MAST4: variants seen among roughly 807,000 people sequenced by gnomAD.
MAST4 encodes microtubule-associated serine/threonine-protein kinase 4.
In MAST4, 89 loss-of-function variants were observed where a neutral mutation model predicts 162.7. The observed-to-expected ratio is 0.55, with a 90% CI of 0.46 to 0.65. The LOEUF (loss-of-function observed/expected upper bound fraction) is 0.65. Among genes scored for constraint, MAST4 ranks in the 30% least tolerant of loss-of-function variants. MAST4 has a pLI of 0.00. For missense variants in MAST4, 3,153 were observed against 3,374.0 expected, an observed-to-expected ratio of 0.93 and a Z score of 1.62; for synonymous variants, 1,479 against 1,361.1, an observed-to-expected ratio of 1.09 and a Z score of -1.91.
Position 66,786,272 on chromosome 5 carries a change from G to GT in MAST4, c.518-2385dup, listed in dbSNP as rs540263638. Among the ~76,000 whole-genome samples, 826 of 144,152 alleles carry GT rather than the reference G, an allele frequency of 5.7e-3. 7 individuals are homozygous for GT. Among genetic ancestry groups the GT allele is most frequent in the South Asian group, 0.045 (205 of 4,514 alleles). 94.6% of individuals were successfully genotyped at this position (144,152 alleles called of 152,430 possible). On this transcript the variant is annotated intron_variant, in intron 2 of 28. Transcript: ENST00000403625. ...TCTATTTTACATTAAATTCTCCCAA[G>GT]TTTTTTTTTTTTTAATCTACGTTCA...
At chr5:66,934,810 A>C (rs2150083609) in intron 4 of MAST4, among the ~76,000 whole-genome samples, 1 of 152,326 alleles carries the variant, frequency 6.6e-6, no homozygotes, top group Middle Eastern at 3.4e-3. Flanking sequence ...GGGGTGGCAG[A>C]GAATGTTGTC....
chr5:67,098,573 G>C (rs1221945241), intron 7 of MAST4, among the ~76,000 whole-genome samples: 1 of 152,142 alleles, frequency 6.6e-6, no homozygotes, highest in South Asian at 2.1e-4. Flanking sequence ...GTAGAAACTT[G>C]TATGTGCATA....
At chr5:66,687,963 A>G (rs1042285460) in intron 1 of MAST4, among the ~76,000 whole-genome samples, 3 of 152,164 alleles carry the variant, frequency 2.0e-5, no homozygotes, top group African/African-American at 7.2e-5. Flanking sequence ...GTGGCACACA[A>G]TGTTAGCTCA....
At chr5:66,859,871 A>G (rs1398366045) in intron 3 of MAST4, among the ~76,000 whole-genome samples, 1 of 152,220 alleles carries the variant, frequency 6.6e-6, no homozygotes, top group African/African-American at 2.4e-5. Flanking sequence ...CTGAGACTGT[A>G]GGTCATATTG....
Position 67,136,599 on chromosome 5 carries a change from C to G in MAST4, c.2429C>G (p.Pro810Arg). Residue 810 changes from proline (P) to arginine (R), a missense_variant, in exon 19 of 29, where the codon CCA (proline) becomes CGA (arginine). Pro to Arg is a moderately radical substitution (Grantham distance 103). Around this residue, in one of 7 missense-constraint regions of MAST4, gnomAD observed 62 missense variants for 63.1 expected, o/e 0.98. Coordinates refer to ENST00000403625, the MANE Select transcript of MAST4 (RefSeq NM_001164664.2). ...TGGCCTGAGAAGGATGAGGCACCCC[C>G]ACCTGATGCCCAGGATCTGATTACC... is the stretch of plus-strand genomic sequence containing the variant. The part of the protein sequence containing the change: ...INWPEKDEAP[P>R]PDAQDLITLL... 1.2e-6 allele frequency: 2 copies of G among 1,606,982 alleles called. No homozygotes were observed. Among genetic ancestry groups the G allele is most frequent in the Middle Eastern group, 1.7e-4 (1 of 6,056 alleles).
intron 1 of MAST4, among the ~76,000 whole-genome samples, chr5:66,730,561 T>C (rs1047420966): frequency 1.3e-5 from 2 of 152,218 alleles, no homozygotes; most frequent in African/African-American, 4.8e-5. Context: ...TATTTGCTGA[T>C]GACGGATTGC....
rs377455103 is a variant in MAST4 at position 67,142,107 on chromosome 5, C to G, written c.2495-8C>G. 1.2e-3 allele frequency: 1,868 copies of G among 1,613,076 alleles called. 33 individuals carry two copies. The South Asian group carries it at 0.018, about 16-fold the overall frequency. On this transcript the variant is annotated splice_region_variant and splice_polypyrimidine_tract_variant and intron_variant, in intron 19 of 28. Coordinates refer to ENST00000403625, the MANE Select transcript of MAST4 (RefSeq NM_001164664.2). ...CTTTCCTCTCTGTCTCTACCTGCCC[C>G]CTTCCAGGTGGTGCATATGAAGTCA...
At chr5:66,953,366 C>A (rs1487076334) in intron 4 of MAST4, among the ~76,000 whole-genome samples, 1 of 152,194 alleles carries the variant, frequency 6.6e-6, no homozygotes, top group Non-Finnish European at 1.5e-5. Context: ...GCCTCAGACA[C>A]ATACAACTGG....
intron 3 of MAST4, among the ~76,000 whole-genome samples, chr5:66,832,520 G>T (rs971785306): frequency 6.6e-6 from 1 of 152,010 alleles, no homozygotes; most frequent in Non-Finnish European, 1.5e-5. Context: ...CGCTGGCCTT[G>T]GTCTAGAATT....
At chr5:67,102,731 C>T (rs1765163967) in intron 9 of MAST4, 120 bp downstream of exon 9, 16 of 761,640 alleles carry the variant, frequency 2.1e-5, no homozygotes, top group South Asian at 2.1e-4. Flanking sequence ...TTGCATAAAA[C>T]AGCTCCATAG....
intron 3 of MAST4, among the ~76,000 whole-genome samples, chr5:66,857,429 A>G (rs560248743): frequency 6.6e-6 from 1 of 152,356 alleles, no homozygotes; most frequent in East Asian, 1.9e-4. Context: ...GCCAAGAAGC[A>G]GAATTGCTGG....
chr5:66,878,280 G>A (rs774225975), intron 3 of MAST4, among the ~76,000 whole-genome samples: 76 of 152,228 alleles, frequency 5.0e-4, no homozygotes, highest in Admixed American at 3.3e-4. Context: ...TTGCCAGTTT[G>A]CAGGACAAAG....
rs767370547 is a variant in MAST4 at position 67,165,739 on chromosome 5, G to A, written c.6560G>A (p.Ser2187Asn). 23 of 1,579,854 alleles carry A rather than the reference G, an allele frequency of 1.5e-5. No individual in the cohort carries two copies. The highest frequency in any genetic ancestry group is 1.8e-5 in the Non-Finnish European group (21 of 1,164,158). The change falls in exon 29 of 29, where the codon AGT becomes AAT. Residue 2187 changes from serine to asparagine, a missense_variant. Around this residue, in one of 7 missense-constraint regions of MAST4, gnomAD observed 1,644 missense variants for 1,495.0 expected, o/e 1.10. Coordinates refer to ENST00000403625, the MANE Select transcript of MAST4 (RefSeq NM_001164664.2). ...CCTCCCAAGCCTGTTGCTGCGCACA[G>A]TGAAAGCAGCAGCCACAAGCCCCGG... ...QDPPKPVAAH[S>N]ESSSHKPRPG...
chr5:66,656,498 C>T (rs17270116), intron 1 of MAST4, among the ~76,000 whole-genome samples: 75,652 of 151,952 alleles, frequency 0.5, 19,205 homozygotes, highest in South Asian at 0.66. Context: ...TTGTATGTCT[C>T]ACCCATCAGT....
chr5:66,678,823 ACT>A (rs910446799), intron 1 of MAST4, among the ~76,000 whole-genome samples: 1 of 133,656 alleles, frequency 7.5e-6, no homozygotes, highest in African/African-American at 2.9e-5. Context: ...ACGGAGGCTC[ACT>A]CTGTCGCCCA....
intron 3 of MAST4, among the ~76,000 whole-genome samples, chr5:66,791,825 A>C (rs1004367309): frequency 1.7e-4 from 26 of 152,080 alleles, no homozygotes; most frequent in African/African-American, 6.0e-4. Context: ...ACAGAAAACT[A>C]TTTGCCCCTC....
intron 4 of MAST4, chr5:66,958,871 T>G: frequency 4.7e-6 from 1 of 214,288 alleles, no homozygotes; most frequent in South Asian, 1.2e-4. Context: ...ACTGTTGCTT[T>G]ATTTTTTTGC....
intron 4 of MAST4, among the ~76,000 whole-genome samples, chr5:66,905,935 A>G (rs1215585474): frequency 6.6e-6 from 1 of 152,236 alleles, no homozygotes; most frequent in African/African-American, 2.4e-5. Context: ...CTTAAAAGGT[A>G]TCAGACTCTT....
At chr5:66,792,879 G>A (rs934909203) in intron 3 of MAST4, among the ~76,000 whole-genome samples, 1 of 152,166 alleles carries the variant, frequency 6.6e-6, no homozygotes, top group Non-Finnish European at 1.5e-5. Flanking sequence ...TCAAGTATGG[G>A]GGGGATTGGA....
Sources: allele counts gnomAD v4.1 joint callset (sites outside exome capture counted in the v4.1 genomes callset), GRCh38; gene constraint gnomAD v4.1.1; regional missense constraint gnomAD v4.1.1; transcripts MANE v1.5; gene names NCBI Gene and HGNC (gene_info 2026-07-23, HGNC 2026-07-21).